Variants in UBE2R2 observed in about 807,000 individuals in gnomAD.
The protein encoded by UBE2R2 is ubiquitin-conjugating enzyme E2 R2.
UBE2R2 carries 1 observed loss-of-function variant against 27.8 expected under a neutral mutation model. The observed-to-expected ratio is 0.04, with a 90% CI of 0.01 to 0.17. The LOEUF is 0.17. Ranked by LOEUF, UBE2R2 falls within the 10% of genes least tolerant of loss-of-function variation. The pLI is 1.00. For synonymous variants in UBE2R2, 106 were observed against 113.3 expected (o/e 0.94, Z 0.41); for missense variants, 100 against 291.0 (o/e 0.34, Z 4.78).
intron 1 of UBE2R2, among the ~76,000 whole-genome samples, chr9:33,858,096 A>T (rs1382827705): frequency 6.6e-6 from 1 of 152,212 alleles, no homozygotes; most frequent in Non-Finnish European, 1.5e-5. Flanking sequence ...CCCACTCCTG[A>T]AGGTAAAATA....
chr9:33,911,599 T>G (rs552297013), intron 3 of UBE2R2, among the ~76,000 whole-genome samples: 1 of 152,222 alleles, frequency 6.6e-6, no homozygotes, highest in East Asian at 1.9e-4. Flanking sequence ...TTGGAACATG[T>G]GACCAGTTGA....
chr9:33,873,579 A>AT (rs1369485368), intron 1 of UBE2R2, among the ~76,000 whole-genome samples: 1 of 152,194 alleles, frequency 6.6e-6, no homozygotes, highest in African/African-American at 2.4e-5. Flanking sequence ...AAGGAAGTTC[A>AT]GTTATAACTC....
At chr9:33,835,579 G>T (rs1288194766) in intron 1 of UBE2R2, among the ~76,000 whole-genome samples, 1 of 151,890 alleles carries the variant, frequency 6.6e-6, no homozygotes, top group East Asian at 1.9e-4. Flanking sequence ...TACAATTTTT[G>T]TTTGTTTTTG....
chr9:33,841,454 G>A (rs1820732012), intron 1 of UBE2R2, among the ~76,000 whole-genome samples: 1 of 152,092 alleles, frequency 6.6e-6, no homozygotes, highest in South Asian at 2.1e-4. Context: ...AGTTTTCGTA[G>A]CATCTTTGCT....
Position 33,883,729 on chromosome 9 carries a change from A to T in UBE2R2, c.178-3152A>T, listed in dbSNP as rs868684508. 3.0e-3 allele frequency among the ~76,000 whole-genome samples: 456 copies of T among 151,162 alleles called. 7 individuals are homozygous for T. Among genetic ancestry groups the T allele is most frequent in the African/African-American group, 0.01 (420 of 41,026 alleles). On this transcript the variant is annotated intron_variant, in intron 1 of 4. Coordinates refer to ENST00000263228, the MANE Select transcript of UBE2R2 (RefSeq NM_017811.4). The stretch of plus-strand genomic sequence containing the variant: ...ACTCTGTCTCAAAAAAAAAAAAAAA[A>T]AAGAAATAAAAAAGAATAAGGTCAA...
At position 33,920,014 on chromosome 9, in the gene UBE2R2, C is replaced by T. The variant is rs1822771659; in HGVS notation, c.*2777C>T. ...AAACTTTTTTGTAGAACCTTCTTTC[C>T]CTTACCCTGGCAAATTGCTTCTTTA... On this transcript the variant is annotated 3_prime_UTR_variant, in exon 5 of 5. Transcript: ENST00000263228. 6.6e-6 allele frequency: 1 copy of T among 152,244 alleles called. No individual in the cohort carries two copies. Among genetic ancestry groups the T allele is most frequent in the Non-Finnish European group, 1.5e-5 (1 of 68,024 alleles). 9.4% of individuals were successfully genotyped at this position (152,244 alleles called of 1,614,324 possible).
chr9:33,849,714 CGG>C (rs1820922749), intron 1 of UBE2R2, among the ~76,000 whole-genome samples: 1 of 147,622 alleles, frequency 6.8e-6, no homozygotes, highest in African/African-American at 2.5e-5. Flanking sequence ...AAAAGTCAGG[CGG>C]TGTGGTGGCA....
chr9:33,873,504 A>C (rs975248130), intron 1 of UBE2R2, among the ~76,000 whole-genome samples: 1 of 152,242 alleles, frequency 6.6e-6, no homozygotes, highest in Non-Finnish European at 1.5e-5. Context: ...GTATAACTGC[A>C]AAGTAAAGAT....
chr9:33,842,060 G>A (rs558525604), intron 1 of UBE2R2, among the ~76,000 whole-genome samples: 2 of 152,118 alleles, frequency 1.3e-5, no homozygotes, highest in Admixed American at 1.3e-4. Flanking sequence ...TAAAAGGCCA[G>A]GTAGCAGATG....
At chr9:33,850,958 T>C (rs1166950195) in intron 1 of UBE2R2, among the ~76,000 whole-genome samples, 6 of 152,232 alleles carry the variant, frequency 3.9e-5, no homozygotes, top group Non-Finnish European at 8.8e-5. Flanking sequence ...AATTTTTTGG[T>C]TATTGTTCTA....
intron 1 of UBE2R2, 79 bp downstream of exon 1, chr9:33,818,013 C>T: frequency 6.5e-7 from 1 of 1,529,058 alleles, no homozygotes; most frequent in Non-Finnish European, 8.8e-7. Context: ...GTTCCTGGGA[C>T]CAGGAGTATG....
chr9:33,901,542 A>G (rs73492929), intron 3 of UBE2R2, among the ~76,000 whole-genome samples: 1,766 of 151,142 alleles, frequency 0.012, 29 homozygotes, highest in African/African-American at 0.04. Flanking sequence ...GGATTGATCT[A>G]TTCTTCCCCT....
intron 3 of UBE2R2, among the ~76,000 whole-genome samples, chr9:33,902,660 A>G (rs1006844637): frequency 6.6e-6 from 1 of 152,238 alleles, no homozygotes; most frequent in African/African-American, 2.4e-5. Flanking sequence ...ACATGAAAAG[A>G]ACTAAAATAA....
intron 1 of UBE2R2, among the ~76,000 whole-genome samples, chr9:33,834,920 AAAAACAAAAGAAAAG>A (rs1279964884): frequency 6.7e-6 from 1 of 148,498 alleles, no homozygotes; most frequent in African/African-American, 2.5e-5. Flanking sequence ...CAGGAAAAAA[AAAAACAAAAGAAAAG>A]AAAAGAAAAG....
At chr9:33,836,424 T>C (rs1820616013) in intron 1 of UBE2R2, among the ~76,000 whole-genome samples, 2 of 152,054 alleles carry the variant, frequency 1.3e-5, no homozygotes, top group Admixed American at 1.3e-4. Flanking sequence ...AATTCAGTGG[T>C]TTTTAGTCAG....
chr9:33,836,131 C>T (rs1431733047), intron 1 of UBE2R2, among the ~76,000 whole-genome samples: 1 of 152,096 alleles, frequency 6.6e-6, no homozygotes, highest in East Asian at 1.9e-4. Flanking sequence ...TGGTGAAACC[C>T]TGTCTCTACT....
At chr9:33,898,609 A>T (rs1487390895) in intron 2 of UBE2R2, among the ~76,000 whole-genome samples, 1 of 152,188 alleles carries the variant, frequency 6.6e-6, no homozygotes, top group Non-Finnish European at 1.5e-5. Context: ...TATAAATCTT[A>T]AGTCGTGTGT....
intron 2 of UBE2R2, among the ~76,000 whole-genome samples, chr9:33,899,860 C>A (rs1333574201): frequency 1.3e-5 from 2 of 152,122 alleles, no homozygotes; most frequent in Admixed American, 1.3e-4. Flanking sequence ...AGAAAATATA[C>A]CTTGGAGATT....
intron 1 of UBE2R2, among the ~76,000 whole-genome samples, chr9:33,832,190 C>T (rs1820504263): frequency 6.6e-6 from 1 of 151,586 alleles, no homozygotes. Context: ...TGCCTGTAAT[C>T]CCAGCTACTT....
Sources: gnomAD v4.1 joint callset for allele counts (sites outside exome capture counted in the v4.1 genomes callset) on GRCh38, gnomAD v4.1.1 for gene constraint, MANE v1.5 for transcripts, NCBI Gene and HGNC (gene_info 2026-07-23, HGNC 2026-07-21) for gene names.